The following CEP112 variants were observed in gnomAD, a reference collection of about 807,000 sequenced individuals.
CEP112 encodes the protein centrosomal protein of 112 kDa.
A neutral mutation model predicts 153.0 loss-of-function variants in CEP112; 127 were observed. That is an observed-to-expected ratio of 0.83 (90% confidence interval 0.72 to 0.96). The LOEUF is 0.96. Ranked by LOEUF, CEP112 falls within the 40% of genes least tolerant of loss-of-function variation. The pLI, the probability that CEP112 is intolerant of heterozygous loss-of-function variation, is 0.00. For synonymous variants in CEP112, 358 were observed against 374.4 expected (o/e 0.96, Z 0.51); for missense variants, 1,089 against 1,101.2 (o/e 0.99, Z 0.16).
At chr17:65,683,867 C>A (rs1230715778) in intron 24 of CEP112, among the ~76,000 whole-genome samples, 4 of 152,102 alleles carry the variant, frequency 2.6e-5, no homozygotes, top group East Asian at 1.9e-4. Context: ...TATGGTGAAA[C>A]CCCGTCTCTA....
chr17:65,640,361 C>T (rs1221799250), intron 25 of CEP112, among the ~76,000 whole-genome samples: 2 of 151,810 alleles, frequency 1.3e-5, no homozygotes, highest in Non-Finnish European at 1.5e-5. Flanking sequence ...GCCGTGTTGG[C>T]CAGGATGGTC....
chr17:65,857,302 T>G (rs1216043056), intron 20 of CEP112, among the ~76,000 whole-genome samples: 1 of 152,232 alleles, frequency 6.6e-6, no homozygotes, highest in Non-Finnish European at 1.5e-5. Flanking sequence ...TGGACAAGCT[T>G]GCAGTTTATT....
At chr17:66,113,934 G>C (rs771882412) in intron 6 of CEP112, among the ~76,000 whole-genome samples, 3 of 152,134 alleles carry the variant, frequency 2.0e-5, no homozygotes, top group Non-Finnish European at 4.4e-5. Flanking sequence ...CAAGTAACAC[G>C]GAACTTGAAG....
intron 20 of CEP112, among the ~76,000 whole-genome samples, chr17:65,856,697 A>G (rs1416791160): frequency 6.6e-6 from 1 of 152,204 alleles, no homozygotes; most frequent in Non-Finnish European, 1.5e-5. Context: ...ACTACCAACC[A>G]AATATTATAC....
At chr17:65,790,428 G>A (rs903356963) in intron 21 of CEP112, among the ~76,000 whole-genome samples, 40 of 152,258 alleles carry the variant, frequency 2.6e-4, no homozygotes, top group African/African-American at 8.9e-4. Context: ...TCAGGGGTCA[G>A]TTCAGTCGAG....
At chr17:65,861,461 A>G (rs1411238966) in intron 20 of CEP112, among the ~76,000 whole-genome samples, 1 of 152,246 alleles carries the variant, frequency 6.6e-6, no homozygotes, top group East Asian at 1.9e-4. Flanking sequence ...AAAGAGAATG[A>G]AAAACTAAAT....
intron 1 of CEP112, among the ~76,000 whole-genome samples, chr17:66,183,593 C>T (rs1050998516): frequency 2.0e-5 from 3 of 152,106 alleles, no homozygotes; most frequent in African/African-American, 7.2e-5. Flanking sequence ...ACTCCAAAGC[C>T]ACAGTAGTCA....
At chr17:65,906,356 G>A (rs900097005) in intron 19 of CEP112, among the ~76,000 whole-genome samples, 1 of 151,990 alleles carries the variant, frequency 6.6e-6, no homozygotes, top group African/African-American at 2.4e-5. Flanking sequence ...ACCATGTCAC[G>A]TGTATACCTA....
chr17:65,919,734 C>T (rs2060632093), intron 19 of CEP112, among the ~76,000 whole-genome samples: 3 of 152,208 alleles, frequency 2.0e-5, no homozygotes, highest in Admixed American at 6.5e-5. Flanking sequence ...AAAAACACAC[C>T]GCAACCCACT....
intron 19 of CEP112, among the ~76,000 whole-genome samples, chr17:65,910,775 C>T (rs546651787): frequency 1.5e-4 from 23 of 152,130 alleles, no homozygotes; most frequent in Non-Finnish European, 2.1e-4. Flanking sequence ...CCGTGGTATC[C>T]GAAAATTTCC....
intron 24 of CEP112, among the ~76,000 whole-genome samples, chr17:65,679,387 CCATTAAACATGAAAAGT>C (rs1245333531): frequency 6.6e-6 from 1 of 151,826 alleles, no homozygotes; most frequent in East Asian, 1.9e-4. Flanking sequence ...AGAATAATAA[CCATTAAACATGAAAAGT>C]CAATAAAAGT....
intron 17 of CEP112, among the ~76,000 whole-genome samples, chr17:65,991,549 G>A (rs4384634): frequency 0.59 from 88,926 of 151,938 alleles, 27,408 homozygotes; most frequent in African/African-American, 0.72. Flanking sequence ...TTATATTCTG[G>A]TAGAATAGTA....
intron 8 of CEP112, among the ~76,000 whole-genome samples, chr17:66,088,376 C>T (rs1452708818): frequency 1.3e-5 from 2 of 152,146 alleles, no homozygotes; most frequent in African/African-American, 2.4e-5. Flanking sequence ...ATTCACAGCA[C>T]GAGGCTGGCC....
Position 65,645,181 on chromosome 17 carries a change from C to A in CEP112, c.2698-4116G>T, listed in dbSNP as rs1418485467. 3.3e-5 allele frequency among the ~76,000 whole-genome samples: 5 copies of A among 151,440 alleles called. No individual in the cohort carries two copies. In the East Asian group the frequency reaches 9.6e-4, roughly 29 times the overall value. On this transcript the variant is annotated intron_variant, in intron 24 of 26. Coordinates refer to ENST00000535342, the MANE Select transcript of CEP112 (RefSeq NM_001199165.4). ...GAGACACAAACTTTGCATGTGTTGA[C>A]CCTTCTTTGACAATCTCCCATAATT...
At chr17:65,955,757 G>A (rs1328097781) in intron 18 of CEP112, among the ~76,000 whole-genome samples, 1 of 151,940 alleles carries the variant, frequency 6.6e-6, no homozygotes, top group African/African-American at 2.4e-5. Context: ...AGACAAACAG[G>A]GACATTATAT....
intron 11 of CEP112, among the ~76,000 whole-genome samples, chr17:66,060,427 A>C (rs1172046018): frequency 1.3e-5 from 2 of 152,240 alleles, no homozygotes; most frequent in African/African-American, 2.4e-5. Flanking sequence ...ATGTAACCAC[A>C]GAAGATTCTG....
In CEP112 at chr17:66,192,066, C is replaced by G. The variant is rs2073182039; in HGVS notation, c.-78G>C. On this transcript the variant is annotated 5_prime_UTR_variant, in exon 1 of 27. Coordinates refer to ENST00000535342, the MANE Select transcript of CEP112 (RefSeq NM_001199165.4). The stretch of plus-strand genomic sequence containing the variant: ...ACGCCGCCGCCACCGCCGCCCCTGC[C>G]AAACGGTTTCAAATCCTTGCGGGCC... 1 of 153,912 alleles carries G rather than the reference C, an allele frequency of 6.5e-6. No homozygotes were observed. 9.5% of individuals were successfully genotyped at this position (153,912 alleles called of 1,614,324 possible).
intron 16 of CEP112, among the ~76,000 whole-genome samples, chr17:66,010,073 T>C (rs1306764639): frequency 6.6e-6 from 1 of 152,218 alleles, no homozygotes; most frequent in Non-Finnish European, 1.5e-5. Flanking sequence ...TTTAACAATA[T>C]TGATTCTTCC....
intron 19 of CEP112, among the ~76,000 whole-genome samples, chr17:65,920,555 A>G (rs775940577): frequency 4.0e-5 from 6 of 150,052 alleles, no homozygotes; most frequent in Non-Finnish European, 7.4e-5. Context: ...TTTTTATCAC[A>G]CAGACCAAGC....
Sources: allele counts gnomAD v4.1 joint callset (sites outside exome capture counted in the v4.1 genomes callset), GRCh38; gene constraint gnomAD v4.1.1; transcripts MANE v1.5; gene names NCBI Gene and HGNC (gene_info 2026-07-23, HGNC 2026-07-21).